Variants in EFHB observed in about 807,000 individuals in gnomAD.
The protein encoded by EFHB is EF-hand domain-containing family member B.
Under a neutral mutation model 87.2 loss-of-function variants are expected in EFHB, and 91 were observed. The observed-to-expected ratio is 1.04, with a 90% confidence interval of 0.88 to 1.24. The LOEUF is 1.24. EFHB is among the 50% of genes most tolerant of loss of function. The pLI is 0.00. For missense variants in EFHB, 1,084 were observed against 998.8 expected, an observed-to-expected ratio of 1.09 and a Z score of -1.15; for synonymous variants, 325 against 333.6, an observed-to-expected ratio of 0.97 and a Z score of 0.28.
intron 6 of EFHB, among the ~76,000 whole-genome samples, chr3:19,902,889 A>C (rs1694719297): frequency 6.6e-6 from 1 of 152,070 alleles, no homozygotes; most frequent in Non-Finnish European, 1.5e-5. Flanking sequence ...TTCAAAATAC[A>C]AAAAGGGCTG....
At chr3:19,890,032 C>T (rs562341715) in intron 9 of EFHB, among the ~76,000 whole-genome samples, 1 of 152,272 alleles carries the variant, frequency 6.6e-6, no homozygotes, top group African/African-American at 2.4e-5. Flanking sequence ...TGCAAACCCA[C>T]ACTCATCCTA....
intron 7 of EFHB, 91 bp downstream of exon 7, chr3:19,899,341 G>T (rs1440571626): frequency 3.8e-6 from 3 of 782,890 alleles, no homozygotes; most frequent in Admixed American, 3.2e-5. Flanking sequence ...TTAATAGATA[G>T]AATCTAATAG....
intron 11 of EFHB, 108 bp downstream of exon 11, chr3:19,884,295 A>C: frequency 7.8e-5 from 78 of 1,003,374 alleles, no homozygotes; most frequent in Non-Finnish European, 1.0e-4. Context: ...AATGCAAGGT[A>C]CAAAGCTTTG....
chr3:19,931,626 T>C (rs1695835077), intron 1 of EFHB, among the ~76,000 whole-genome samples: 2 of 152,242 alleles, frequency 1.3e-5, no homozygotes, highest in Admixed American at 1.3e-4. Flanking sequence ...CAAATTTCAG[T>C]GTGTGGAATC....
chr3:19,929,995 C>A (rs1170075359), intron 1 of EFHB, among the ~76,000 whole-genome samples: 2 of 152,130 alleles, frequency 1.3e-5, no homozygotes, highest in Non-Finnish European at 2.9e-5. Context: ...GCTTCCATTT[C>A]TTTACCTGTA....
intron 6 of EFHB, among the ~76,000 whole-genome samples, chr3:19,903,324 A>T (rs1694734253): frequency 6.6e-6 from 1 of 152,192 alleles, no homozygotes; most frequent in Non-Finnish European, 1.5e-5. Context: ...TGGCAACACT[A>T]AATCATTGAT....
rs1210259895 is a variant in EFHB, at chr3:19,933,311, A to C, written c.708T>G (p.Ile236Met). Residue 236 changes from isoleucine (I) to methionine (M), a missense_variant, in exon 1 of 13, where the codon ATT becomes ATG. Ile to Met is a conservative substitution (Grantham distance 10, BLOSUM62 1). Transcript: ENST00000295824. ...QHEQRKEAGN[I>M]ESGVEPPDRI... ...GATCTGGAGGTTCCACTCCTGATTC[A>C]ATGTTTCCAGCCTCCTTTCTCTGTT... 6.2e-7 allele frequency: 1 copy of C among 1,613,858 alleles called. No individual in the cohort carries two copies. Among genetic ancestry groups the C allele is most frequent in the Non-Finnish European group, 8.5e-7 (1 of 1,179,884 alleles).
chr3:19,900,865 G>A (rs1446109090), intron 6 of EFHB, among the ~76,000 whole-genome samples: 1 of 151,566 alleles, frequency 6.6e-6, no homozygotes, highest in Non-Finnish European at 1.5e-5. Context: ...GGAGTCAGAG[G>A]CTGCAGTAAG....
At chr3:19,930,213 GTTA>G (rs1490059100) in intron 1 of EFHB, among the ~76,000 whole-genome samples, 1 of 152,084 alleles carries the variant, frequency 6.6e-6, no homozygotes, top group Non-Finnish European at 1.5e-5. Context: ...TTTCTATAAT[GTTA>G]TTATTCTTGT....
At chr3:19,946,870 C>G (rs1434292721) in intron 1 of EFHB, 1 of 152,334 alleles carries the variant, frequency 6.6e-6, no homozygotes, top group Non-Finnish European at 1.5e-5. Flanking sequence ...GCCCAGAGAC[C>G]CCCCAGCCTA....
rs1695917642 is a variant in EFHB at position 19,933,709 on chromosome 3, G to C, written c.310C>G (p.Leu104Val). Reference protein sequence around the residue: ...VSASQGTKPSLLPGRMGLENE... With the variant: ...VSASQGTKPSVLPGRMGLENE... ...TCTAACCCCATTCTTCCTGGCAACAGAGAAGGTTTTGTTCCCTGTGAAGCT... is the reference window on the plus strand; with the variant it reads ...TCTAACCCCATTCTTCCTGGCAACACAGAAGGTTTTGTTCCCTGTGAAGCT... The change falls in exon 1 of 13, where the codon CTG (leucine) becomes GTG (valine). Residue 104 changes from leucine to valine, a missense_variant. Transcript: ENST00000295824. 1.9e-6 allele frequency: 3 copies of C among 1,613,858 alleles called. No individual in the cohort carries two copies. The Admixed American group carries it at 5.0e-5, about 27-fold the overall frequency.
At chr3:19,880,195 G>A (rs75424302) in intron 12 of EFHB, among the ~76,000 whole-genome samples, 20,316 of 151,994 alleles carry the variant, frequency 0.13, 1,523 homozygotes, top group South Asian at 0.22. Context: ...TTTTGGTCTT[G>A]TGTATGTCAC....
intron 12 of EFHB, among the ~76,000 whole-genome samples, chr3:19,880,229 CATTTATTTATTTATTTATTT>C (rs59492875): frequency 2.0e-5 from 3 of 147,500 alleles, no homozygotes; most frequent in Non-Finnish European, 4.5e-5. Flanking sequence ...ACATTAGTTT[CATTTATTTATTTATTTATTT>C]ATTTATTTAT....
intron 3 of EFHB, 85 bp from the exon 4 acceptor site, chr3:19,918,497 G>C (rs567739878): frequency 7.9e-7 from 1 of 1,261,480 alleles, no homozygotes; most frequent in Non-Finnish European, 1.1e-6. Flanking sequence ...GCTGGGGAGA[G>C]GAGACTGTAC....
intron 5 of EFHB, among the ~76,000 whole-genome samples, chr3:19,910,994 A>G (rs1200732271): frequency 6.6e-6 from 1 of 152,258 alleles, no homozygotes; most frequent in Non-Finnish European, 1.5e-5. Context: ...AAATAAGCAC[A>G]GACAGTGAGG....
intron 1 of EFHB, among the ~76,000 whole-genome samples, chr3:19,926,193 C>A (rs537656386): frequency 7.6e-4 from 115 of 152,254 alleles, no homozygotes; most frequent in African/African-American, 2.7e-3. Flanking sequence ...AGCAAGGCAC[C>A]CCTTTGCATG....
At chr3:19,881,220 C>T (rs1382302754) in intron 12 of EFHB, among the ~76,000 whole-genome samples, 3 of 152,158 alleles carry the variant, frequency 2.0e-5, no homozygotes, top group African/African-American at 7.2e-5. Flanking sequence ...AGAGTGAGCT[C>T]AGGAATGGTT....
intron 1 of EFHB, among the ~76,000 whole-genome samples, chr3:19,921,750 A>C (rs1401804783): frequency 1.3e-5 from 2 of 152,204 alleles, no homozygotes; most frequent in African/African-American, 4.8e-5. Flanking sequence ...AAGACTGAGA[A>C]GATGGAGAAG....
intron 6 of EFHB, among the ~76,000 whole-genome samples, chr3:19,900,592 C>T (rs1481487214): frequency 6.6e-6 from 1 of 152,132 alleles, no homozygotes; most frequent in Non-Finnish European, 1.5e-5. Flanking sequence ...TTATCCACAT[C>T]TGGGAACCAA....
Sources: allele counts gnomAD v4.1 joint callset (sites outside exome capture counted in the v4.1 genomes callset), GRCh38; gene constraint gnomAD v4.1.1; transcripts MANE v1.5; gene names NCBI Gene and HGNC (gene_info 2026-07-23, HGNC 2026-07-21).